Variants in XPA observed in about 807,000 individuals in gnomAD.
The protein encoded by XPA is DNA repair protein complementing XP-A cells.
XPA carries 27 observed loss-of-function variants against 35.7 expected under a neutral mutation model. That is an observed-to-expected ratio of 0.76 (90% confidence interval 0.56 to 1.04). The LOEUF is 1.04. Among genes scored for constraint, XPA ranks in the 50% least tolerant of loss-of-function variants. The probability of loss-of-function intolerance (pLI) is 0.00; values close to 1 mark genes in which losing one functional copy is unlikely to be tolerated. For synonymous variants in XPA, 133 were observed against 118.4 expected (o/e 1.12, Z -0.80); for missense variants, 354 against 342.7 (o/e 1.03, Z -0.26).
chr9:97,696,644 A>G (rs1829051478), intron 1 of XPA, among the ~76,000 whole-genome samples: 1 of 152,182 alleles, frequency 6.6e-6, no homozygotes, highest in African/African-American at 2.4e-5. Context: ...CATGAGAAGC[A>G]ATCCATTGCA....
chr9:97,693,806 G>A (rs1029613814), intron 1 of XPA, 47 bp from the exon 2 acceptor site: 2 of 1,534,460 alleles, frequency 1.3e-6, no homozygotes, highest in African/African-American at 2.7e-5. Context: ...AGGTAAGCCT[G>A]TATGTTACCT....
the XPA span, among the ~76,000 whole-genome samples, chr9:97,657,921 TATA>T: frequency 8.0e-4 from 85 of 105,958 alleles, 2 homozygotes; most frequent in South Asian, 0.02. Context: ...TATATATATA[TATA>T]TATTTTTTTT....
chr9:97,666,670 C>A, the XPA span: 1 of 757,636 alleles, frequency 1.3e-6, no homozygotes, highest in South Asian at 2.0e-5. Flanking sequence ...AAGGCTGTAT[C>A]AGCTGTTAAG....
Position 97,689,616 on chromosome 9 carries a change from C to T in XPA, c.307G>A (p.Val103Ile), listed in dbSNP as rs1828821820. ...TCTTTCCCACATTCTTCGCATATTA[C>T]ATAATCAAATTCCATAACAGGTCCT... is the stretch of plus-strand genomic sequence containing the variant. ...QPGPVMEFDY[V>I]ICEECGKEFM... The change falls in exon 3 of 6, where the codon GTA (valine) becomes ATA (isoleucine). Residue 103 changes from valine to isoleucine, a missense_variant. By Grantham distance (29) the Val-to-Ile change is conservative (BLOSUM62 3). Coordinates refer to ENST00000375128, the MANE Select transcript of XPA (RefSeq NM_000380.4). The T allele has an allele frequency of 6.2e-7, 1 of 1,611,246 alleles. No homozygotes were observed. Among genetic ancestry groups the T allele is most frequent in the Non-Finnish European group, 8.5e-7 (1 of 1,177,784 alleles).
intron 5 of XPA, among the ~76,000 whole-genome samples, chr9:97,683,817 T>C (rs1828621456): frequency 6.6e-6 from 1 of 151,268 alleles, no homozygotes; most frequent in Non-Finnish European, 1.5e-5. Context: ...CATTCAATTT[T>C]TGGTTTTGCT....
At chr9:97,655,100 T>C in the XPA span, among the ~76,000 whole-genome samples, 167 of 152,372 alleles carry the variant, frequency 1.1e-3, no homozygotes, top group African/African-American at 3.9e-3. Flanking sequence ...TCATACTTAA[T>C]GTAACATTAC....
At chr9:97,674,135 T>TCCCCC (rs11397653), downstream of XPA, among the ~76,000 whole-genome samples, 4 of 150,366 alleles carry the variant, frequency 2.7e-5, no homozygotes, top group East Asian at 6.2e-4. Context: ...AAGAGCTCCT[T>TCCCCC]CCCCGCCCCC....
chr9:97,662,679 C>T, the XPA span, among the ~76,000 whole-genome samples: 6 of 152,112 alleles, frequency 3.9e-5, no homozygotes, highest in Non-Finnish European at 5.9e-5. Context: ...AATATTTCAC[C>T]ATGTTTGAAG....
At chr9:97,654,776 T>G in the XPA span, 1 of 997,986 alleles carries the variant, frequency 1.0e-6, no homozygotes, top group Non-Finnish European at 1.5e-6. Context: ...TGTTCAGCAT[T>G]ATTAATCATT....
chr9:97,663,723 G>T, the XPA span, among the ~76,000 whole-genome samples: 1 of 151,824 alleles, frequency 6.6e-6, no homozygotes, highest in Non-Finnish European at 1.5e-5. Flanking sequence ...GACCTCAGGT[G>T]ATCTGCCCAC....
intron 3 of XPA, 22 bp downstream of exon 3, chr9:97,689,512 G>A (rs1236280388): frequency 2.0e-6 from 3 of 1,465,626 alleles, no homozygotes; most frequent in Non-Finnish European, 2.9e-6. Context: ...TAGCAATTAA[G>A]AACACCATCT....
chr9:97,674,143 C>CG (rs1554698912), downstream of XPA, among the ~76,000 whole-genome samples: 3 of 151,816 alleles, frequency 2.0e-5, no homozygotes, highest in East Asian at 5.9e-4. Flanking sequence ...CTTCCCCGCC[C>CG]CCATAATGCT....
chr9:97,691,568 A>G (rs1587750148), intron 2 of XPA, among the ~76,000 whole-genome samples: 1 of 152,010 alleles, frequency 6.6e-6, no homozygotes. Flanking sequence ...GCCAGGTGTC[A>G]ATTAGCTGGG....
intron 2 of XPA, among the ~76,000 whole-genome samples, chr9:97,693,127 T>C (rs1276165869): frequency 1.3e-5 from 2 of 152,056 alleles, no homozygotes; most frequent in African/African-American, 2.4e-5. Flanking sequence ...AAAGTGTTTC[T>C]ATCTTTTTCC....
chr9:97,668,490 T>C, the XPA span, among the ~76,000 whole-genome samples: 1 of 152,196 alleles, frequency 6.6e-6, no homozygotes, highest in Admixed American at 6.5e-5. Flanking sequence ...CCAGTTTTTC[T>C]GTATGGCCCA....
Position 97,687,251 on chromosome 9 carries a change from C to T in XPA, c.400G>A (p.Asp134Asn). 6.2e-7 allele frequency: 1 copy of T among 1,605,548 alleles called. No homozygotes were observed. Among genetic ancestry groups the T allele is most frequent in the African/African-American group, 1.3e-5 (1 of 74,606 alleles). Reference sequence around the variant, plus strand: ...GTTTTGGTTATAAGCTTGTGTTTATCATCAGCATCTCTGAAAACAGATTAA... The same window carrying T: ...GTTTTGGTTATAAGCTTGTGTTTATTATCAGCATCTCTGAAAACAGATTAA... Reference protein sequence around the residue: ...PTCDNCRDADDKHKLITKTEA... With the variant: ...PTCDNCRDADNKHKLITKTEA... Residue 134 changes from aspartate (D) to asparagine (N), a missense_variant, in exon 4 of 6, where the codon GAT (aspartate) becomes AAT (asparagine). Asp to Asn is a conservative substitution (Grantham distance 23). Transcript: ENST00000375128.
the XPA span, among the ~76,000 whole-genome samples, chr9:97,657,482 T>C: frequency 1.3e-5 from 2 of 152,220 alleles, no homozygotes; most frequent in African/African-American, 2.4e-5. Flanking sequence ...GGCACATGAT[T>C]CCCACCACTG....
At chr9:97,655,327 T>TA in the XPA span, among the ~76,000 whole-genome samples, 4 of 152,282 alleles carry the variant, frequency 2.6e-5, no homozygotes, top group South Asian at 8.3e-4. Flanking sequence ...CCTCCTGCCT[T>TA]AGTCTCCATC....
chr9:97,661,127 A>AC, the XPA span: 1 of 1,592,316 alleles, frequency 6.3e-7, no homozygotes, highest in Non-Finnish European at 8.5e-7. Context: ...TAAAGCATAA[A>AC]CATAACTCTG....
Sources: gnomAD v4.1 joint callset for allele counts (sites outside exome capture counted in the v4.1 genomes callset) on GRCh38, gnomAD v4.1.1 for gene constraint, MANE v1.5 for transcripts, NCBI Gene and HGNC (gene_info 2026-07-23, HGNC 2026-07-21) for gene names.